PLOD2: variants seen among roughly 807,000 people sequenced by gnomAD.
PLOD2 encodes procollagen-lysine,2-oxoglutarate 5-dioxygenase 2.
PLOD2 carries 65 observed loss-of-function variants against 101.0 expected under a neutral mutation model. The observed-to-expected ratio is 0.64, with a 90% CI of 0.53 to 0.79. The LOEUF (loss-of-function observed/expected upper bound fraction) is 0.79, where lower values mean the gene tolerates loss of function less well. Ranked by LOEUF, PLOD2 falls within the 30% of genes least tolerant of loss-of-function variation. The pLI is 0.00. For missense variants in PLOD2, 909 were observed against 914.6 expected (o/e 0.99, Z 0.08); for synonymous variants, 314 against 302.9 (o/e 1.04, Z -0.38).
chr3:146,148,257 C>A (rs1217950535), intron 1 of PLOD2, among the ~76,000 whole-genome samples: 1 of 151,054 alleles, frequency 6.6e-6, no homozygotes, highest in African/African-American at 2.4e-5. Flanking sequence ...ATATTAAGAT[C>A]ATGTTAAAAA....
chr3:146,135,534 A>C (rs571224645), intron 1 of PLOD2, among the ~76,000 whole-genome samples: 1 of 152,126 alleles, frequency 6.6e-6, no homozygotes, highest in Admixed American at 6.5e-5. Flanking sequence ...CAAGTTGGAG[A>C]TCTAAAAAAT....
chr3:146,097,843 A>T (rs564222549), intron 7 of PLOD2, among the ~76,000 whole-genome samples: 1 of 151,504 alleles, frequency 6.6e-6, no homozygotes, highest in Non-Finnish European at 1.5e-5. Context: ...AAAATGTGGC[A>T]TATATACACC....
At position 146,086,784 on chromosome 3, in the gene PLOD2, T is replaced by C. The variant is rs1409046418; in HGVS notation, c.1127+3A>G. 1 of 1,447,702 alleles carries C rather than the reference T, an allele frequency of 6.9e-7. No homozygotes were observed. Among genetic ancestry groups the C allele is most frequent in the Non-Finnish European group, 9.3e-7 (1 of 1,070,138 alleles). The allele number at this position is 1,447,702 out of a possible 1,614,324, so 89.7% of individuals were successfully genotyped here. A position where few individuals can be genotyped will look rare whatever the true frequency, so the allele number is the denominator to read the frequency against. ...AATTTAATTTTAATTTATTAAAACA[T>C]ACATTCCCATGTTTCTGGCTTCCGC... On this transcript the variant is annotated splice_donor_region_variant and intron_variant, in intron 10 of 19. Coordinates refer to ENST00000282903, the MANE Select transcript of PLOD2 (RefSeq NM_182943.3).
chr3:146,090,225 A>G (rs570549151), intron 8 of PLOD2, among the ~76,000 whole-genome samples: 2 of 151,484 alleles, frequency 1.3e-5, no homozygotes, highest in South Asian at 2.1e-4. Context: ...TATGGCCCAC[A>G]TCTAACATTA....
chr3:146,073,291 T>A lies in PLOD2; in HGVS notation c.1739A>T (p.Glu580Val). The A allele has an allele frequency of 8.4e-7, 1 of 1,196,104 alleles. No individual in the cohort carries two copies. Among genetic ancestry groups the A allele is most frequent in the Non-Finnish European group, 1.2e-6 (1 of 824,348 alleles). The allele number at this position is 1,196,104 out of a possible 1,614,324, so 74.1% of individuals were successfully genotyped here. ...TTTGTAATCATTAATACAAACCTGT[T>A]CAACTATATTTTCAGTGAAAATCTT... is the stretch of plus-strand genomic sequence containing the variant. ...YSKIFTENIV[E>V]QPCPDVFWFP... Residue 580 changes from glutamate to valine, a missense_variant, in exon 16 of 20, where the codon GAA becomes GTA. Transcript: ENST00000282903.
intron 8 of PLOD2, among the ~76,000 whole-genome samples, chr3:146,089,121 A>C (rs918016966): frequency 3.0e-4 from 45 of 151,728 alleles, no homozygotes; most frequent in Middle Eastern, 6.8e-3. Flanking sequence ...CTCGGCTTAA[A>C]GTTCAGGGCT....
rs116539997 is a variant in PLOD2 at position 146,094,178 on chromosome 3, A to G, written c.778-2277T>C. ...TCACAATATCAAAATGTTTCCAAGT[A>G]TGATGTCATTTTCATTGACAGAGAA... On this transcript the variant is annotated intron_variant, in intron 7 of 19. Coordinates refer to ENST00000282903, the MANE Select transcript of PLOD2 (RefSeq NM_182943.3). Among the ~76,000 whole-genome samples the G allele has an allele frequency of 3.8e-3, 579 of 152,342 alleles. 1 individual carries two copies. The highest frequency in any genetic ancestry group is 6.8e-3 in the Non-Finnish European group (464 of 68,022).
intron 1 of PLOD2, among the ~76,000 whole-genome samples, chr3:146,156,716 G>A (rs1238702755): frequency 6.6e-6 from 1 of 152,198 alleles, no homozygotes; most frequent in African/African-American, 2.4e-5. Flanking sequence ...TTTTAGCAAA[G>A]CTTTCCTTTT....
chr3:146,142,285 G>T (rs1238268702), intron 1 of PLOD2, among the ~76,000 whole-genome samples: 1 of 151,986 alleles, frequency 6.6e-6, no homozygotes, highest in Non-Finnish European at 1.5e-5. Context: ...TACGAATGCA[G>T]TGTTTTCTTT....
chr3:146,093,942 A>G (rs549540168), intron 7 of PLOD2, among the ~76,000 whole-genome samples: 1 of 152,246 alleles, frequency 6.6e-6, no homozygotes, highest in African/African-American at 2.4e-5. Flanking sequence ...TAGAAACATT[A>G]CTTTTGACTA....
chr3:146,128,153 T>C (rs1482269817), intron 1 of PLOD2, among the ~76,000 whole-genome samples: 4 of 152,148 alleles, frequency 2.6e-5, no homozygotes, highest in Non-Finnish European at 5.9e-5. Context: ...TAAATAACTA[T>C]AATTAATACC....
intron 1 of PLOD2, among the ~76,000 whole-genome samples, chr3:146,135,488 C>T (rs1308290787): frequency 2.0e-5 from 3 of 151,976 alleles, no homozygotes; most frequent in Admixed American, 2.0e-4. Context: ...GAGTATATCC[C>T]AGAAAATACA....
At chr3:146,075,680 C>A (rs2107999466) in intron 15 of PLOD2, among the ~76,000 whole-genome samples, 2 of 151,486 alleles carry the variant, frequency 1.3e-5, no homozygotes, top group African/African-American at 4.8e-5. Flanking sequence ...TTTGAATTTT[C>A]TTCTAAAAAA....
chr3:146,073,882 T>TG (rs1936238530), intron 15 of PLOD2, among the ~76,000 whole-genome samples: 1 of 151,626 alleles, frequency 6.6e-6, no homozygotes, highest in South Asian at 2.1e-4. Flanking sequence ...AACTAGGGTC[T>TG]GTCTTATATG....
chr3:146,132,247 T>C (rs1452038745), intron 1 of PLOD2, among the ~76,000 whole-genome samples: 1 of 152,098 alleles, frequency 6.6e-6, no homozygotes, highest in Non-Finnish European at 1.5e-5. Flanking sequence ...GTTTTAAAAC[T>C]GGAAAAGTCC....
intron 1 of PLOD2, among the ~76,000 whole-genome samples, chr3:146,134,790 G>A (rs1166803625): frequency 6.6e-6 from 1 of 152,210 alleles, no homozygotes; most frequent in Non-Finnish European, 1.5e-5. Context: ...CAGAAAGCTT[G>A]AGTTAGGCTT....
chr3:146,145,261 C>T (rs1456157036), intron 1 of PLOD2, among the ~76,000 whole-genome samples: 1 of 151,956 alleles, frequency 6.6e-6, no homozygotes, highest in Non-Finnish European at 1.5e-5. Flanking sequence ...CATACAAAAC[C>T]AAAAACTAAA....
chr3:146,085,569 A>G lies in PLOD2; in HGVS notation c.1128-296T>C. On this transcript the variant is annotated intron_variant, in intron 10 of 19. Coordinates refer to ENST00000282903, the MANE Select transcript of PLOD2 (RefSeq NM_182943.3). ...CATCCACAAATCAAAATGTTTCTGCATACATACATACATACATACACATGC... is the reference window on the plus strand; with the variant it reads ...CATCCACAAATCAAAATGTTTCTGCGTACATACATACATACATACACATGC... 4 of 367,866 alleles carry G rather than the reference A, an allele frequency of 1.1e-5. No homozygotes were observed. In the South Asian group the frequency reaches 2.0e-4, roughly 18 times the overall value. 22.8% of individuals were successfully genotyped at this position (367,866 alleles called of 1,614,324 possible). A position where few individuals can be genotyped will look rare whatever the true frequency, so the allele number is the denominator to read the frequency against.
intron 3 of PLOD2, among the ~76,000 whole-genome samples, chr3:146,118,316 T>A (rs144909516): frequency 3.9e-5 from 6 of 152,296 alleles, no homozygotes; most frequent in African/African-American, 1.2e-4. Context: ...CAGAACTTAA[T>A]ATTTTGTGTA....
Sources: gnomAD v4.1 joint callset for allele counts (sites outside exome capture counted in the v4.1 genomes callset) on GRCh38, gnomAD v4.1.1 for gene constraint, MANE v1.5 for transcripts, NCBI Gene and HGNC (gene_info 2026-07-23, HGNC 2026-07-21) for gene names.